MICAL2: variants seen among roughly 807,000 people sequenced by gnomAD.
MICAL2 encodes [F-actin]-monooxygenase MICAL2.
In MICAL2, 77 loss-of-function variants were observed where a neutral mutation model predicts 127.3. The ratio of observed to expected loss-of-function variants is 0.60; its 90% CI spans 0.50 to 0.73. The LOEUF is 0.73. Ranked by LOEUF, MICAL2 falls within the 30% of genes least tolerant of loss-of-function variation. MICAL2 has a pLI of 0.00. For missense variants in MICAL2, 1,351 were observed against 1,434.4 expected (o/e 0.94, Z 0.94); for synonymous variants, 570 against 551.1 (o/e 1.03, Z -0.48).
chr11:12,203,904 T>C lies in MICAL2; in HGVS notation c.265-346T>C, dbSNP rs181399264. ...ATTTACAATAACCTTATGAGGAGAG[T>C]AGTAGACCCACACAGATAAGGAAAC... On this transcript the variant is annotated intron_variant, in intron 3 of 27. Coordinates refer to ENST00000683283, the MANE Select transcript of MICAL2 (RefSeq NM_001282663.2). Among the ~76,000 whole-genome samples, 328 of 152,210 alleles carry C rather than the reference T, an allele frequency of 2.2e-3. 1 individual carries two copies. Among genetic ancestry groups the C allele is most frequent in the Non-Finnish European group, 3.3e-3 (226 of 68,004 alleles).
chr11:12,115,260 C>T (rs540275595), intron 1 of MICAL2, among the ~76,000 whole-genome samples: 1 of 152,248 alleles, frequency 6.6e-6, no homozygotes, highest in South Asian at 2.1e-4. Flanking sequence ...TGAAGGAGAC[C>T]GGAGGCTTAG....
chr11:12,238,447 G>T (rs1448652002), intron 16 of MICAL2, among the ~76,000 whole-genome samples: 2 of 152,202 alleles, frequency 1.3e-5, no homozygotes, highest in African/African-American at 2.4e-5. Flanking sequence ...CATGCAGCCC[G>T]CTGTACTGGA....
chr11:12,195,620 CA>C (rs1315657538), intron 3 of MICAL2, among the ~76,000 whole-genome samples: 8 of 147,868 alleles, frequency 5.4e-5, no homozygotes, highest in Non-Finnish European at 1.2e-4. Context: ...GAAATATTTA[CA>C]AATGTTTAAA....
chr11:12,304,169 G>A (rs750996058), intron 29 of MICAL2, among the ~76,000 whole-genome samples: 16 of 152,054 alleles, frequency 1.1e-4, no homozygotes, highest in Non-Finnish European at 2.2e-4. Flanking sequence ...TGCATGGCTT[G>A]TATTATATTT....
At chr11:12,287,281 G>C in exon 3 of MICAL2, 4 of 396,138 alleles carry the variant, frequency 1.0e-5, no homozygotes, top group Non-Finnish European at 1.8e-5. Context: ...TGGCCTCCTG[G>C]TTGTCAGAGG....
At chr11:12,333,763 A>G (rs867711181) in intron 32 of MICAL2, among the ~76,000 whole-genome samples, 3 of 152,182 alleles carry the variant, frequency 2.0e-5, no homozygotes, top group Non-Finnish European at 4.4e-5. Flanking sequence ...TAATAAAGAT[A>G]TCACTTACAT....
chr11:12,303,690 T>C (rs1590729824), intron 29 of MICAL2: 1 of 152,246 alleles, frequency 6.6e-6, no homozygotes. Context: ...GAAGTCTCTG[T>C]TGAAGTCTTT....
chr11:12,167,072 C>A (rs1255734763), intron 3 of MICAL2, among the ~76,000 whole-genome samples: 1 of 152,086 alleles, frequency 6.6e-6, no homozygotes, highest in African/African-American at 2.4e-5. Flanking sequence ...AACAGAGGAC[C>A]TGGGAAACCA....
At chr11:12,345,055 T>C (rs1938932374) in intron 32 of MICAL2, among the ~76,000 whole-genome samples, 1 of 149,486 alleles carries the variant, frequency 6.7e-6, no homozygotes, top group Non-Finnish European at 1.5e-5. Context: ...GAGCTTGCAG[T>C]GAGCCGAGAT....
At chr11:12,346,166 T>C (rs1436766719) in intron 32 of MICAL2, among the ~76,000 whole-genome samples, 1 of 152,158 alleles carries the variant, frequency 6.6e-6, no homozygotes, top group Non-Finnish European at 1.5e-5. Flanking sequence ...CCATGGATAA[T>C]TATAGAGCAG....
intron 29 of MICAL2, among the ~76,000 whole-genome samples, chr11:12,297,831 C>G (rs1162901138): frequency 6.6e-6 from 1 of 151,902 alleles, no homozygotes; most frequent in Non-Finnish European, 1.5e-5. Flanking sequence ...TGAACTTGGA[C>G]TTATTTCCAC....
chr11:12,294,797 G>GCTC (rs3841216), downstream of MICAL2: 124,477 of 1,470,622 alleles, frequency 0.085, 2,658 homozygotes, highest in East Asian at 0.25. Flanking sequence ...GCGCCAGGCA[G>GCTC]CTCCTCCTCC....
intron 32 of MICAL2, among the ~76,000 whole-genome samples, chr11:12,330,786 G>GGA (rs59477152): frequency 4.3e-4 from 42 of 98,606 alleles, no homozygotes; most frequent in South Asian, 1.3e-3. Context: ...TGCAGGACGT[G>GGA]GAGAGAGAGA....
chr11:12,247,416 A>G (rs1323364850), intron 21 of MICAL2, among the ~76,000 whole-genome samples: 1 of 152,196 alleles, frequency 6.6e-6, no homozygotes, highest in African/African-American at 2.4e-5. Context: ...CCAACATCTT[A>G]ATTATTGGCT....
intron 2 of MICAL2, among the ~76,000 whole-genome samples, chr11:12,149,834 T>G (rs1853378550): frequency 6.6e-6 from 1 of 152,142 alleles, no homozygotes; most frequent in Non-Finnish European, 1.5e-5. Context: ...AAGTACAGCC[T>G]GGGGAGTCAT....
At chr11:12,216,538 G>A in intron 8 of MICAL2, 1 of 575,520 alleles carries the variant, frequency 1.7e-6, no homozygotes, top group Non-Finnish European at 3.1e-6. Flanking sequence ...GACGTGTGCT[G>A]CTGTGAGACC....
chr11:12,323,153 T>C (rs1259327136), intron 30 of MICAL2, among the ~76,000 whole-genome samples: 1 of 152,228 alleles, frequency 6.6e-6, no homozygotes, highest in Non-Finnish European at 1.5e-5. Context: ...TTTTTGCTCT[T>C]GTGTCTAAAA....
At chr11:12,237,032 T>C (rs543468935) in intron 16 of MICAL2, among the ~76,000 whole-genome samples, 1 of 152,302 alleles carries the variant, frequency 6.6e-6, no homozygotes, top group African/African-American at 2.4e-5. Context: ...CTGTTTATGG[T>C]CGAAGAGTTT....
chr11:12,340,566 C>G (rs1336316262), intron 32 of MICAL2, among the ~76,000 whole-genome samples: 1 of 152,044 alleles, frequency 6.6e-6, no homozygotes, highest in African/African-American at 2.4e-5. Context: ...ACCCACGTGG[C>G]CAAAAAGACA....
Sources: gnomAD v4.1 joint callset for allele counts (sites outside exome capture counted in the v4.1 genomes callset) on GRCh38, gnomAD v4.1.1 for gene constraint, MANE v1.5 for transcripts, NCBI Gene and HGNC (gene_info 2026-07-23, HGNC 2026-07-21) for gene names.